The following MYCBP2 variants were observed in gnomAD, a reference collection of about 807,000 sequenced individuals.
The protein encoded by MYCBP2 is E3 ubiquitin-protein ligase MYCBP2.
Under a neutral mutation model 525.3 loss-of-function variants are expected in MYCBP2, and 120 were observed. The observed-to-expected ratio is 0.23, with a 90% CI of 0.20 to 0.27. The LOEUF is 0.27. Among genes scored for constraint, MYCBP2 ranks in the 10% least tolerant of loss-of-function variants. The probability of loss-of-function intolerance (pLI) is 1.00; values close to 1 mark genes in which losing one functional copy is unlikely to be tolerated. For missense variants in MYCBP2, 4,149 were observed against 5,657.1 expected, an observed-to-expected ratio of 0.73 and a Z score of 8.55; for synonymous variants, 1,894 against 1,955.8, an observed-to-expected ratio of 0.97 and a Z score of 0.83.
chr13:77,229,577 C>T (rs924872316), intron 18 of MYCBP2, among the ~76,000 whole-genome samples: 2 of 152,072 alleles, frequency 1.3e-5, no homozygotes, highest in African/African-American at 4.8e-5. Flanking sequence ...AATATTAAAG[C>T]TAGTATTCAT....
At chr13:77,307,519 A>G (rs2079595942) in intron 1 of MYCBP2, among the ~76,000 whole-genome samples, 1 of 149,230 alleles carries the variant, frequency 6.7e-6, no homozygotes, top group African/African-American at 2.5e-5. Context: ...CCAGCTACTC[A>G]GATGGCTGAG....
chr13:77,166,619 T>C, intron 40 of MYCBP2, 65 bp from the exon 41 acceptor site: 2 of 1,087,676 alleles, frequency 1.8e-6, no homozygotes, highest in Admixed American at 2.0e-5. Context: ...CACATCTGCA[T>C]CTGTATGTGT....
rs1292435843 is a variant in MYCBP2 at position 77,078,821 on chromosome 13, T to C, written c.11484+3A>G. 1 of 1,612,912 alleles carries C rather than the reference T, an allele frequency of 6.2e-7. No individual in the cohort carries two copies. The highest frequency in any genetic ancestry group is 8.5e-7 in the Non-Finnish European group (1 of 1,179,236). ...AAACATTTAATGACAAAATTTCAAT[T>C]ACCTGCTTTATTCTGCACAAATCTT... On this transcript the variant is annotated splice_donor_region_variant and intron_variant, in intron 66 of 82. Coordinates refer to ENST00000544440, the MANE Select transcript of MYCBP2 (RefSeq NM_015057.5).
At chr13:77,215,131 G>C (rs2064635795) in intron 21 of MYCBP2, among the ~76,000 whole-genome samples, 1 of 152,042 alleles carries the variant, frequency 6.6e-6, no homozygotes, top group South Asian at 2.1e-4. Context: ...TACAATTTTT[G>C]TATAACTTAA....
intron 17 of MYCBP2, among the ~76,000 whole-genome samples, chr13:77,235,379 T>C (rs893864837): frequency 1.3e-5 from 2 of 152,012 alleles, no homozygotes; most frequent in African/African-American, 2.4e-5. Context: ...TTAAAAGGAA[T>C]AGGATATAAA....
chr13:77,193,609 T>A (rs1044450452), intron 27 of MYCBP2, among the ~76,000 whole-genome samples: 1 of 152,180 alleles, frequency 6.6e-6, no homozygotes, highest in African/African-American at 2.4e-5. Context: ...ACTGATAAAG[T>A]GTAAGTATCC....
chr13:77,296,677 A>G lies in MYCBP2; in HGVS notation c.303-3T>C, dbSNP rs1432977018. The G allele has an allele frequency of 1.5e-6, 2 of 1,375,428 alleles. No homozygotes were observed. The highest frequency in any genetic ancestry group is 2.0e-6 in the Non-Finnish European group (2 of 1,008,402). 85.2% of individuals were successfully genotyped at this position (1,375,428 alleles called of 1,614,324 possible). A position where few individuals can be genotyped will look rare whatever the true frequency, so the allele number is the denominator to read the frequency against. The stretch of plus-strand genomic sequence containing the variant: ...TCTTATTTAAAATTTTCTTATTCCT[A>G]AATATTAAAAGAAAAATGGGAAAAA... On this transcript the variant is annotated splice_region_variant and splice_polypyrimidine_tract_variant and intron_variant, in intron 1 of 82. Coordinates refer to ENST00000544440, the MANE Select transcript of MYCBP2 (RefSeq NM_015057.5).
rs1000065815 is a variant in MYCBP2 at position 77,067,803 on chromosome 13, A to G, written c.12233T>C (p.Ile4078Thr). ...EVTPSRLASI[I>T]GVKSLPPADI... ...TGCTGGGGGGAGGGATTTCACTCCTATGATGCTGGCCAGACGACTAGGGGT... is the reference window on the plus strand; with the variant it reads ...TGCTGGGGGGAGGGATTTCACTCCTGTGATGCTGGCCAGACGACTAGGGGT... The change falls in exon 71 of 83, where the codon ATA becomes ACA. Residue 4078 changes from isoleucine to threonine, a missense_variant. Ile to Thr is a moderately conservative substitution (Grantham distance 89). Around this residue, in one of 21 missense-constraint regions of MYCBP2, gnomAD observed 148 missense variants for 179.4 expected, o/e 0.82. Transcript: ENST00000544440. 9.3e-6 allele frequency: 15 copies of G among 1,614,038 alleles called. No homozygotes were observed. The highest frequency in any genetic ancestry group is 3.3e-5 in the South Asian group (3 of 91,086).
At chr13:77,295,267 G>C (rs963693805) in intron 2 of MYCBP2, among the ~76,000 whole-genome samples, 3 of 152,148 alleles carry the variant, frequency 2.0e-5, no homozygotes, top group Non-Finnish European at 2.9e-5. Flanking sequence ...CTGAGTAGCT[G>C]GGACTACAGG....
intron 17 of MYCBP2, among the ~76,000 whole-genome samples, chr13:77,239,604 TG>T (rs2068507257): frequency 6.6e-6 from 1 of 152,212 alleles, no homozygotes; most frequent in Non-Finnish European, 1.5e-5. Context: ...TCTCACACTT[TG>T]GGACCATCAG....
At chr13:77,091,885 A>G (rs1383650531) in intron 59 of MYCBP2, among the ~76,000 whole-genome samples, 1 of 152,086 alleles carries the variant, frequency 6.6e-6, no homozygotes, top group Non-Finnish European at 1.5e-5. Context: ...CCCAATGAGA[A>G]TCACACTTGT....
At chr13:77,297,199 C>T (rs1432333386) in intron 1 of MYCBP2, among the ~76,000 whole-genome samples, 1 of 151,976 alleles carries the variant, frequency 6.6e-6, no homozygotes, top group Non-Finnish European at 1.5e-5. Context: ...AAAGGAAGCC[C>T]CTGAATAACT....
At chr13:77,321,521 T>TA (rs1177531606) in intron 1 of MYCBP2, among the ~76,000 whole-genome samples, 1 of 152,242 alleles carries the variant, frequency 6.6e-6, no homozygotes, top group African/African-American at 2.4e-5. Flanking sequence ...GTCTACTGAA[T>TA]AAAATCTAAT....
At chr13:77,189,117 T>C in intron 29 of MYCBP2, 70 bp from the exon 30 acceptor site, 5 of 1,100,260 alleles carry the variant, frequency 4.5e-6, no homozygotes, top group Non-Finnish European at 6.3e-6. Context: ...TAAAGTATAT[T>C]ATACATTTTT....
chr13:77,072,464 T>C (rs2041544357), intron 68 of MYCBP2, among the ~76,000 whole-genome samples: 1 of 152,062 alleles, frequency 6.6e-6, no homozygotes, highest in Non-Finnish European at 1.5e-5. Context: ...AAGAAAGGTC[T>C]TGGAGTCTAC....
chr13:77,061,028 T>C (rs769418832), intron 76 of MYCBP2, 141 bp downstream of exon 76: 6 of 957,480 alleles, frequency 6.3e-6, no homozygotes, highest in Non-Finnish European at 7.3e-6. Context: ...ACACTCTATA[T>C]ATTTAGTAAA....
chr13:77,211,104 T>C, intron 23 of MYCBP2, 63 bp downstream of exon 23: 1 of 1,263,468 alleles, frequency 7.9e-7, no homozygotes, highest in African/African-American at 1.5e-5. Flanking sequence ...ATAAAGTTTA[T>C]ATTACCATAA....
intron 52 of MYCBP2, among the ~76,000 whole-genome samples, chr13:77,134,757 C>T (rs1161730592): frequency 1.3e-5 from 2 of 152,070 alleles, no homozygotes; most frequent in African/African-American, 4.8e-5. Context: ...TATTTTGTCT[C>T]TCAACTAGAG....
intron 55 of MYCBP2, 31 bp downstream of exon 55, chr13:77,121,342 G>A (rs1158113810): frequency 6.8e-7 from 1 of 1,464,408 alleles, no homozygotes; most frequent in Non-Finnish European, 9.1e-7. Context: ...TTGAAGTTAG[G>A]TAAGTAAAAG....
Sources: allele counts gnomAD v4.1 joint callset (sites outside exome capture counted in the v4.1 genomes callset), GRCh38; gene constraint gnomAD v4.1.1; regional missense constraint gnomAD v4.1.1; transcripts MANE v1.5; gene names NCBI Gene and HGNC (gene_info 2026-07-23, HGNC 2026-07-21).